The following FAM184A variants were observed in gnomAD, a reference collection of about 807,000 sequenced individuals.
FAM184A encodes the protein protein FAM184A.
FAM184A carries 99 observed loss-of-function variants against 143.8 expected under a neutral mutation model. The ratio of observed to expected loss-of-function variants is 0.69; its 90% CI spans 0.58 to 0.81. The LOEUF is 0.81. Ranked by LOEUF, FAM184A falls within the 40% of genes least tolerant of loss-of-function variation. The pLI, the probability that FAM184A is intolerant of heterozygous loss-of-function variation, is 0.00. For missense variants in FAM184A, 1,217 were observed against 1,310.5 expected, an observed-to-expected ratio of 0.93 and a Z score of 1.10; for synonymous variants, 427 against 446.4, an observed-to-expected ratio of 0.96 and a Z score of 0.55.
chr6:119,137,592 A>G (rs1408778386), intron 1 of FAM184A, among the ~76,000 whole-genome samples: 4 of 152,228 alleles, frequency 2.6e-5, no homozygotes, highest in African/African-American at 7.2e-5. Flanking sequence ...GGCACCTACT[A>G]TGGGACTCAG....
intron 1 of FAM184A, among the ~76,000 whole-genome samples, chr6:119,091,562 T>A (rs1788369552): frequency 6.6e-6 from 1 of 152,184 alleles, no homozygotes; most frequent in Non-Finnish European, 1.5e-5. Flanking sequence ...TCACTATGGG[T>A]CCTTTAGTGC....
chr6:119,045,507 ACCC>A (rs1786494319), intron 1 of FAM184A, among the ~76,000 whole-genome samples: 1 of 152,132 alleles, frequency 6.6e-6, no homozygotes, highest in African/African-American at 2.4e-5. Context: ...AGAAAAAATC[ACCC>A]ACAAAGCAAC....
chr6:118,967,833 A>G (rs1368704353), intron 14 of FAM184A, among the ~76,000 whole-genome samples: 2 of 152,264 alleles, frequency 1.3e-5, no homozygotes, highest in Admixed American at 1.3e-4. Context: ...CAATAAAATT[A>G]TGGTTAATAA....
At chr6:119,063,663 G>T (rs1229323966) in intron 1 of FAM184A, among the ~76,000 whole-genome samples, 1 of 152,030 alleles carries the variant, frequency 6.6e-6, no homozygotes, top group African/African-American at 2.4e-5. Flanking sequence ...TTATGGCAAG[G>T]ATGAAATTAA....
intron 1 of FAM184A, among the ~76,000 whole-genome samples, chr6:119,071,460 A>G (rs1787681357): frequency 6.6e-6 from 1 of 152,226 alleles, no homozygotes; most frequent in Non-Finnish European, 1.5e-5. Context: ...TATGACATTT[A>G]GCTGACAGCA....
chr6:118,985,426 G>T (rs115893663), intron 9 of FAM184A, among the ~76,000 whole-genome samples: 2 of 152,206 alleles, frequency 1.3e-5, no homozygotes, highest in Admixed American at 6.5e-5. Context: ...AGATGAGTAC[G>T]CCAAGGGATT....
intron 9 of FAM184A, among the ~76,000 whole-genome samples, chr6:118,992,041 G>C (rs771884895): frequency 1.7e-4 from 26 of 152,034 alleles, no homozygotes; most frequent in Non-Finnish European, 2.8e-4. Context: ...TGGGATTACA[G>C]GTATGAGCCA....
intron 1 of FAM184A, among the ~76,000 whole-genome samples, chr6:119,076,677 G>C (rs1447485650): frequency 6.6e-6 from 1 of 152,174 alleles, no homozygotes; most frequent in Admixed American, 6.5e-5. Context: ...GAGAACAGTG[G>C]ATGTTATGGA....
intron 1 of FAM184A, among the ~76,000 whole-genome samples, chr6:119,122,687 T>G (rs540757949): frequency 6.6e-6 from 1 of 151,688 alleles, no homozygotes; most frequent in East Asian, 2.0e-4. Context: ...TTTGGAAGGC[T>G]GAAGGGGGTG....
At chr6:119,117,204 GGTGAGAGAGA>G (rs1404423211) in intron 1 of FAM184A, among the ~76,000 whole-genome samples, 14 of 152,316 alleles carry the variant, frequency 9.2e-5, no homozygotes, top group Non-Finnish European at 4.4e-5. Flanking sequence ...TGTGTGTAAG[GGTGAGAGAGA>G]GTGAGAAACA....
At chr6:119,107,060 A>C (rs1485031942) in intron 1 of FAM184A, among the ~76,000 whole-genome samples, 1 of 152,168 alleles carries the variant, frequency 6.6e-6, no homozygotes, top group Non-Finnish European at 1.5e-5. Flanking sequence ...TTTGGGATAA[A>C]TCTATTATCC....
At chr6:119,126,903 T>C (rs998470130) in intron 1 of FAM184A, among the ~76,000 whole-genome samples, 2 of 152,192 alleles carry the variant, frequency 1.3e-5, no homozygotes, top group Non-Finnish European at 2.9e-5. Context: ...GAAGTCTGGC[T>C]GTCTCTGGCC....
At chr6:119,141,211 C>T (rs1030862982) in intron 1 of FAM184A, among the ~76,000 whole-genome samples, 5 of 152,230 alleles carry the variant, frequency 3.3e-5, no homozygotes, top group African/African-American at 1.2e-4. Flanking sequence ...CAGTCTTTGC[C>T]TTAGGGTTTA....
rs772609868 is a variant in FAM184A, at chr6:119,024,396, C to A, written c.577G>T (p.Ala193Ser). 3.1e-6 allele frequency: 5 copies of A among 1,614,188 alleles called. No homozygotes were observed. The East Asian group carries it at 6.7e-5, about 22-fold the overall frequency. The stretch of plus-strand genomic sequence containing the variant: ...AGCTCTTGTATCTCCCGTCTGTGAG[C>A]AGCTTGCAAGTCTTCCAATGCCAAT... Reference protein sequence around the residue: ...KRLALEDLQAAHRREIQELLK... With the variant: ...KRLALEDLQASHRREIQELLK... Residue 193 changes from alanine (A) to serine (S), a missense_variant, in exon 2 of 18, where the codon GCT (alanine) becomes TCT (serine). Coordinates refer to ENST00000338891, the MANE Select transcript of FAM184A (RefSeq NM_024581.6).
intron 1 of FAM184A, among the ~76,000 whole-genome samples, chr6:119,085,785 G>C (rs779663927): frequency 6.6e-6 from 1 of 152,200 alleles, no homozygotes; most frequent in Non-Finnish European, 1.5e-5. Context: ...AGAAGCTTTT[G>C]CTTCTAGGGA....
intron 14 of FAM184A, 46 bp from the exon 15 acceptor site, chr6:118,966,998 T>C (rs1783521851): frequency 1.1e-6 from 1 of 914,902 alleles, no homozygotes; most frequent in African/African-American, 1.7e-5. Context: ...CTCAGATACA[T>C]TCTTCTGTAA....
At chr6:119,117,567 T>G (rs1789092856) in intron 1 of FAM184A, among the ~76,000 whole-genome samples, 1 of 152,210 alleles carries the variant, frequency 6.6e-6, no homozygotes, top group Non-Finnish European at 1.5e-5. Flanking sequence ...GCCCCATTGC[T>G]TTGAACATGC....
intron 1 of FAM184A, among the ~76,000 whole-genome samples, chr6:119,135,145 C>T (rs1382463068): frequency 6.6e-6 from 1 of 152,162 alleles, no homozygotes; most frequent in African/African-American, 2.4e-5. Context: ...TGAAATACTA[C>T]TGAGTAATGC....
chr6:119,082,342 A>T (rs1168562679), upstream of FAM184A, among the ~76,000 whole-genome samples: 1 of 152,152 alleles, frequency 6.6e-6, no homozygotes, highest in Admixed American at 6.5e-5. Flanking sequence ...TCCTTCTAAC[A>T]TTTCAAAACA....
Sources: gnomAD v4.1 joint callset for allele counts (sites outside exome capture counted in the v4.1 genomes callset) on GRCh38, gnomAD v4.1.1 for gene constraint, MANE v1.5 for transcripts, NCBI Gene and HGNC (gene_info 2026-07-23, HGNC 2026-07-21) for gene names.